Variants in B3GALT1 observed in about 807,000 individuals in gnomAD.
The protein encoded by B3GALT1 is UDP-Gal:betaGlcNAc beta 1,3-galactosyltransferase, polypeptide 1.
In B3GALT1, 10 loss-of-function variants were observed where a neutral mutation model predicts 23.2. That is an observed-to-expected ratio of 0.43 (90% confidence interval 0.27 to 0.73). The LOEUF (loss-of-function observed/expected upper bound fraction) is 0.73. B3GALT1 is among the 30% of genes least tolerant of loss of function. The pLI is 0.21. For missense variants in B3GALT1, 299 were observed against 405.4 expected (o/e 0.74, Z 2.25); for synonymous variants, 156 against 141.5 (o/e 1.10, Z -0.73).
chr2:167,338,034 G>T (rs777747983), intron 1 of B3GALT1, among the ~76,000 whole-genome samples: 38 of 152,044 alleles, frequency 2.5e-4, no homozygotes, highest in Non-Finnish European at 4.6e-4. Flanking sequence ...CTGTGTGACT[G>T]AAAGAAACAC....
intron 1 of B3GALT1, among the ~76,000 whole-genome samples, chr2:167,384,403 C>A (rs374135567): frequency 1.3e-5 from 2 of 152,122 alleles, no homozygotes; most frequent in Non-Finnish European, 2.9e-5. Flanking sequence ...TGTGCTCTCT[C>A]GGAATTCTCA....
At chr2:167,567,254 A>G (rs891590968) in intron 2 of B3GALT1, among the ~76,000 whole-genome samples, 2 of 152,212 alleles carry the variant, frequency 1.3e-5, no homozygotes, top group African/African-American at 4.8e-5. Context: ...AATAGAATTA[A>G]TCTGCAAGAA....
chr2:167,484,539 G>A (rs754845192), intron 1 of B3GALT1, among the ~76,000 whole-genome samples: 5 of 152,122 alleles, frequency 3.3e-5, no homozygotes, highest in Non-Finnish European at 5.9e-5. Context: ...CTTCTAGGTC[G>A]TAGGTGGATT....
At chr2:167,678,080 A>G (rs1485112479) in intron 3 of B3GALT1, among the ~76,000 whole-genome samples, 1 of 152,130 alleles carries the variant, frequency 6.6e-6, no homozygotes, top group Non-Finnish European at 1.5e-5. Flanking sequence ...CAGTCAAACC[A>G]TATCACCCCC....
intron 3 of B3GALT1, among the ~76,000 whole-genome samples, chr2:167,676,064 C>A (rs1054552577): frequency 2.6e-5 from 4 of 152,028 alleles, no homozygotes; most frequent in African/African-American, 9.6e-5. Context: ...GTGTTGGCCC[C>A]CTAAGGGCCT....
chr2:167,808,780 A>T (rs1318412885), intron 3 of B3GALT1, among the ~76,000 whole-genome samples: 1 of 152,016 alleles, frequency 6.6e-6, no homozygotes, highest in African/African-American at 2.4e-5. Flanking sequence ...GCTCTTCTCA[A>T]GGAGTCTCTT....
chr2:167,444,343 C>T (rs1281242390), intron 1 of B3GALT1, among the ~76,000 whole-genome samples: 2 of 152,022 alleles, frequency 1.3e-5, no homozygotes, highest in Non-Finnish European at 2.9e-5. Flanking sequence ...TTTGTTTTGT[C>T]TCCGCCAGGC....
intron 1 of B3GALT1, among the ~76,000 whole-genome samples, chr2:167,458,696 T>A (rs1342924501): frequency 6.6e-6 from 1 of 152,236 alleles, no homozygotes; most frequent in Non-Finnish European, 1.5e-5. Context: ...TTTGCATTTC[T>A]CTAATGCTTA....
intron 1 of B3GALT1, among the ~76,000 whole-genome samples, chr2:167,367,437 A>C (rs1449251843): frequency 6.6e-6 from 1 of 152,188 alleles, no homozygotes; most frequent in African/African-American, 2.4e-5. Context: ...TCTCTACTGG[A>C]TAGAGAGACA....
chr2:167,379,403 A>G (rs1697811090), intron 1 of B3GALT1, among the ~76,000 whole-genome samples: 1 of 151,982 alleles, frequency 6.6e-6, no homozygotes, highest in Admixed American at 6.6e-5. Context: ...TCCCTATAAT[A>G]TTATTATTAT....
intron 1 of B3GALT1, among the ~76,000 whole-genome samples, chr2:167,460,043 C>T (rs1699233424): frequency 6.6e-6 from 1 of 152,144 alleles, no homozygotes; most frequent in Admixed American, 6.5e-5. Flanking sequence ...TTTCATGATT[C>T]TCACTTTGGA....
intron 1 of B3GALT1, among the ~76,000 whole-genome samples, chr2:167,384,017 C>A (rs1697882698): frequency 6.6e-6 from 1 of 152,192 alleles, no homozygotes; most frequent in Non-Finnish European, 1.5e-5. Context: ...GTTACACATA[C>A]ATGGCTAGAG....
intron 1 of B3GALT1, among the ~76,000 whole-genome samples, chr2:167,389,856 A>G (rs1397549565): frequency 7.2e-6 from 1 of 139,420 alleles, no homozygotes; most frequent in Non-Finnish European, 1.5e-5. Context: ...GGCTGCATGG[A>G]GCTGTGATTG....
chr2:167,390,713 G>A (rs1048186538), intron 1 of B3GALT1, among the ~76,000 whole-genome samples: 7 of 152,144 alleles, frequency 4.6e-5, no homozygotes, highest in African/African-American at 1.7e-4. Flanking sequence ...TCCTCTGCTA[G>A]AATGTAAGCA....
chr2:167,767,974 A>C (rs1393947171), intron 3 of B3GALT1, among the ~76,000 whole-genome samples: 2 of 151,154 alleles, frequency 1.3e-5, no homozygotes, highest in Non-Finnish European at 3.0e-5. Flanking sequence ...CTGAGTCTGA[A>C]AGCCTGAAAA....
chr2:167,635,285 G>A (rs970256296), intron 2 of B3GALT1, among the ~76,000 whole-genome samples: 10 of 152,002 alleles, frequency 6.6e-5, no homozygotes, highest in Admixed American at 2.0e-4. Context: ...TTTGAAAACC[G>A]GCACAAGACA....
chr2:167,362,855 A>C (rs1205600515), intron 1 of B3GALT1, among the ~76,000 whole-genome samples: 3 of 151,950 alleles, frequency 2.0e-5, no homozygotes, highest in Non-Finnish European at 2.9e-5. Context: ...TTTTATTTTT[A>C]TTTTATTTTT....
At chr2:167,859,169 C>T (rs1203046405) in intron 4 of B3GALT1, among the ~76,000 whole-genome samples, 1 of 152,064 alleles carries the variant, frequency 6.6e-6, no homozygotes, top group Non-Finnish European at 1.5e-5. Context: ...ACCCGAAGCC[C>T]AATCACATTG....
At chr2:167,824,581 AC>A (rs962245281) in intron 4 of B3GALT1, among the ~76,000 whole-genome samples, 2 of 152,090 alleles carry the variant, frequency 1.3e-5, no homozygotes, top group African/African-American at 4.8e-5. Flanking sequence ...CTACCACTCC[AC>A]CCTCCAGGGC....
Sources: gnomAD v4.1 joint callset for allele counts (sites outside exome capture counted in the v4.1 genomes callset) on GRCh38, gnomAD v4.1.1 for gene constraint, MANE v1.5 for transcripts, NCBI Gene and HGNC (gene_info 2026-07-23, HGNC 2026-07-21) for gene names.